The following MEIOC variants were observed in gnomAD, a reference collection of about 807,000 sequenced individuals.
MEIOC encodes the protein meiosis specific with coiled-coil domain.
In MEIOC, 9 loss-of-function variants were observed where a neutral mutation model predicts 85.3. The observed-to-expected ratio is 0.11, with a 90% CI of 0.06 to 0.18. MEIOC has a LOEUF of 0.18. MEIOC is among the 10% of genes least tolerant of loss of function. The pLI is 1.00. For missense variants in MEIOC, 898 were observed against 1,129.4 expected, an observed-to-expected ratio of 0.80 and a Z score of 2.94; for synonymous variants, 365 against 393.7, an observed-to-expected ratio of 0.93 and a Z score of 0.86.
At chr17:44,662,579 C>A in intron 3 of MEIOC, 108 bp downstream of exon 3, 1 of 810,502 alleles carries the variant, frequency 1.2e-6, no homozygotes, top group East Asian at 2.8e-5. Flanking sequence ...ACTATTGTGG[C>A]ATTTTGTGTT....
At chr17:44,677,011 A>C, downstream of MEIOC, 5 of 930,338 alleles carry the variant, frequency 5.4e-6, no homozygotes, top group Non-Finnish European at 6.4e-6. Flanking sequence ...GAAAGAACTG[A>C]CTACTAACAA....
In MEIOC at chr17:44,673,502, C is replaced by T; in HGVS notation, c.2594C>T (p.Ser865Phe). ...AGAAAGGATGAAATTGTTAATGCTT[C>T]CAATCGGCAAAGGCAAGGAGTTCCT... is the stretch of plus-strand genomic sequence containing the variant. ...SRRKDEIVNA[S>F]NRQRQGVPRC... The change falls in exon 7 of 8, where the codon TCC becomes TTC. Residue 865 changes from serine (S) to phenylalanine (F), a missense_variant. Physicochemically the swap from Ser to Phe is radical, Grantham distance 155. Around this residue, in one of 2 missense-constraint regions of MEIOC, gnomAD observed 164 missense variants for 269.2 expected, o/e 0.61. Transcript: ENST00000409122. 2 of 1,550,608 alleles carry T rather than the reference C, an allele frequency of 1.3e-6. No homozygotes were observed. Among genetic ancestry groups the T allele is most frequent in the Non-Finnish European group, 1.7e-6 (2 of 1,146,720 alleles).
intron 2 of MEIOC, among the ~76,000 whole-genome samples, chr17:44,658,188 T>C (rs1971791796): frequency 6.8e-6 from 1 of 146,688 alleles, no homozygotes; most frequent in Admixed American, 6.8e-5. Flanking sequence ...GGAGTCTTGC[T>C]CTGTCGCCCA....
intron 5 of MEIOC, 107 bp from the exon 6 acceptor site, chr17:44,669,276 T>C: frequency 3.5e-6 from 3 of 847,986 alleles, no homozygotes; most frequent in Non-Finnish European, 5.4e-6. Context: ...AACAGAATTT[T>C]CATTTAAAGT....
Position 44,675,401 on chromosome 17 carries a change from T to C in MEIOC, c.*1205T>C. The stretch of plus-strand genomic sequence containing the variant: ...AGAAGATCTTGGGTTTTAACATTTC[T>C]AGCATGAGTTAAACTATAATGTACT... On this transcript the variant is annotated 3_prime_UTR_variant, in exon 8 of 8. Coordinates refer to ENST00000409122, the MANE Select transcript of MEIOC (RefSeq NM_001145080.3). The C allele has an allele frequency of 5.1e-6, 5 of 971,062 alleles. No homozygotes were observed. Among genetic ancestry groups the C allele is most frequent in the Non-Finnish European group, 6.1e-6 (5 of 816,788 alleles). 60.2% of individuals were successfully genotyped at this position (971,062 alleles called of 1,614,324 possible).
chr17:44,665,287 C>CGGT, intron 3 of MEIOC, 97 bp from the exon 4 acceptor site: 1 of 864,602 alleles, frequency 1.2e-6, no homozygotes, highest in Non-Finnish European at 1.6e-6. Flanking sequence ...GGTGTAGATT[C>CGGT]AGTCCACATA....
chr17:44,673,193 A>G (rs573077362), intron 6 of MEIOC, 173 bp from the exon 7 acceptor site: 3 of 460,390 alleles, frequency 6.5e-6, no homozygotes, highest in Non-Finnish European at 1.1e-5. Context: ...AAGTAGATAG[A>G]AAACACTTTC....
intron 6 of MEIOC, chr17:44,670,369 A>G (rs947541273): frequency 1.1e-4 from 16 of 151,584 alleles, no homozygotes; most frequent in African/African-American, 3.6e-4. Flanking sequence ...TTGAAGCTCA[A>G]ATTGGCAGTG....
At position 44,666,363 on chromosome 17, in the gene MEIOC, T is replaced by G. The variant is rs981392265; in HGVS notation, c.465-13T>G. The G allele has an allele frequency of 7.3e-6, 11 of 1,512,524 alleles. No individual in the cohort carries two copies. In the East Asian group the frequency reaches 2.5e-4, roughly 34 times the overall value. The allele number at this position is 1,512,524 out of a possible 1,614,324, so 93.7% of individuals were successfully genotyped here. On this transcript the variant is annotated splice_polypyrimidine_tract_variant and intron_variant, in intron 4 of 7. Transcript: ENST00000409122. ...AAACCTAAGTTGTAATTAAATATAT[T>G]TATTTGTTCTAGGACCTGCTCCTCC...
At chr17:44,661,236 C>T (rs574892530) in intron 2 of MEIOC, among the ~76,000 whole-genome samples, 26 of 134,960 alleles carry the variant, frequency 1.9e-4, no homozygotes, top group African/African-American at 6.0e-4. Flanking sequence ...TGCAGTGAGC[C>T]GAGATCTCGC....
downstream of MEIOC, chr17:44,676,868 C>G (rs1287113180): frequency 1.4e-6 from 1 of 736,008 alleles, no homozygotes; most frequent in Admixed American, 6.3e-5. Context: ...ACATTTTAGA[C>G]GTAAAGGATT....
intron 4 of MEIOC, among the ~76,000 whole-genome samples, 167 bp from the exon 5 acceptor site, chr17:44,666,209 G>C (rs971912659): frequency 1.3e-5 from 2 of 152,186 alleles, no homozygotes; most frequent in Non-Finnish European, 2.9e-5. Context: ...TCATGTGACA[G>C]ATAATTATCT....
intron 1 of MEIOC, 124 bp from the exon 2 acceptor site, chr17:44,657,003 C>T (rs1432001173): frequency 1.1e-5 from 13 of 1,165,206 alleles, no homozygotes; most frequent in Non-Finnish European, 1.4e-5. Context: ...CCCCCACATT[C>T]GTGTCCTCTG....
intron 2 of MEIOC, among the ~76,000 whole-genome samples, chr17:44,660,428 C>T (rs1389161589): frequency 1.3e-5 from 2 of 151,954 alleles, no homozygotes; most frequent in South Asian, 2.1e-4. Flanking sequence ...TTTGTCGAAA[C>T]GGGCTTTCGC....
At chr17:44,673,084 T>C in intron 6 of MEIOC, 1 of 312,606 alleles carries the variant, frequency 3.2e-6, no homozygotes, top group Non-Finnish European at 5.8e-6. Flanking sequence ...AGATCTTGTA[T>C]TTGCAGTTAA....
intron 3 of MEIOC, 55 bp downstream of exon 3, chr17:44,662,526 G>T (rs765001575): frequency 8.2e-7 from 1 of 1,224,242 alleles, no homozygotes. Flanking sequence ...TAATTACATA[G>T]GAACTGAGGT....
chr17:44,670,078 C>G (rs1458782649), intron 6 of MEIOC: 1 of 152,082 alleles, frequency 6.6e-6, no homozygotes, highest in Non-Finnish European at 1.5e-5. Flanking sequence ...TGAGACCATC[C>G]TGGGCAACAT....
At chr17:44,658,261 T>C (rs1971793127) in intron 2 of MEIOC, among the ~76,000 whole-genome samples, 1 of 149,890 alleles carries the variant, frequency 6.7e-6, no homozygotes, top group Non-Finnish European at 1.5e-5. Flanking sequence ...TTCACGCCAT[T>C]CTCCTGCCTC....
At chr17:44,662,831 T>C (rs888424428) in intron 3 of MEIOC, among the ~76,000 whole-genome samples, 1 of 152,148 alleles carries the variant, frequency 6.6e-6, no homozygotes, top group Non-Finnish European at 1.5e-5. Context: ...TTAAAAAAAT[T>C]TGTTGCCTTT....
Sources: allele counts gnomAD v4.1 joint callset (sites outside exome capture counted in the v4.1 genomes callset), GRCh38; gene constraint gnomAD v4.1.1; regional missense constraint gnomAD v4.1.1; transcripts MANE v1.5; gene names NCBI Gene and HGNC (gene_info 2026-07-23, HGNC 2026-07-21).